Variants in NDUFAF2 observed in about 807,000 individuals in gnomAD.
NDUFAF2 encodes the protein NADH dehydrogenase [ubiquinone] 1 alpha subcomplex assembly factor 2.
NDUFAF2 carries 13 observed loss-of-function variants against 22.8 expected under a neutral mutation model. The observed-to-expected ratio is 0.57, with a 90% CI of 0.37 to 0.91. The LOEUF is 0.91. Among genes scored for constraint, NDUFAF2 ranks in the 40% least tolerant of loss-of-function variants. The pLI is 0.01. For missense variants in NDUFAF2, 162 were observed against 195.2 expected, an observed-to-expected ratio of 0.83 and a Z score of 1.01; for synonymous variants, 53 against 64.2, an observed-to-expected ratio of 0.83 and a Z score of 0.84.
intron 1 of NDUFAF2, among the ~76,000 whole-genome samples, chr5:61,041,715 A>G (rs922831121): frequency 6.6e-6 from 1 of 152,190 alleles, no homozygotes; most frequent in Non-Finnish European, 1.5e-5. Context: ...ATGGGCAGAC[A>G]TTCAAGTTAT....
chr5:61,149,594 T>A (rs1741197805), intron 3 of NDUFAF2, among the ~76,000 whole-genome samples: 1 of 152,212 alleles, frequency 6.6e-6, no homozygotes, highest in African/African-American at 2.4e-5. Flanking sequence ...ATCTTTTTTT[T>A]AAATGTTAAA....
chr5:61,127,189 C>T (rs545990682), intron 3 of NDUFAF2, among the ~76,000 whole-genome samples: 43 of 152,204 alleles, frequency 2.8e-4, no homozygotes, highest in African/African-American at 9.9e-4. Flanking sequence ...AGATTCACAG[C>T]CGAATTCTAC....
intron 1 of NDUFAF2, among the ~76,000 whole-genome samples, chr5:61,071,740 A>G (rs1281759865): frequency 1.3e-5 from 2 of 152,098 alleles, no homozygotes; most frequent in East Asian, 3.9e-4. Flanking sequence ...ATTCCTCACT[A>G]ATGACTTCTC....
At chr5:61,120,187 C>T (rs981182265) in intron 3 of NDUFAF2, among the ~76,000 whole-genome samples, 1 of 152,084 alleles carries the variant, frequency 6.6e-6, no homozygotes, top group Non-Finnish European at 1.5e-5. Context: ...TGACCTCTAC[C>T]TCTGTGAAAA....
At chr5:61,038,465 C>T (rs1399789011) in intron 1 of NDUFAF2, among the ~76,000 whole-genome samples, 2 of 152,200 alleles carry the variant, frequency 1.3e-5, no homozygotes, top group East Asian at 3.9e-4. Flanking sequence ...TTGGTCACAC[C>T]TGTAAATGTA....
intron 1 of NDUFAF2, among the ~76,000 whole-genome samples, chr5:61,046,254 G>C (rs767845441): frequency 2.0e-5 from 3 of 152,070 alleles, no homozygotes; most frequent in African/African-American, 7.2e-5. Flanking sequence ...GTGTTCATCA[G>C]GAATTGGCCT....
At chr5:61,015,099 G>A (rs1281708850) in intron 1 of NDUFAF2, among the ~76,000 whole-genome samples, 1 of 152,018 alleles carries the variant, frequency 6.6e-6, no homozygotes, top group Non-Finnish European at 1.5e-5. Context: ...CTGACTTTTG[G>A]GACATTGGCT....
chr5:61,052,822 C>G lies in NDUFAF2; in HGVS notation c.128-20303C>G, dbSNP rs147604680. On this transcript the variant is annotated intron_variant, in intron 1 of 3. Transcript: ENST00000296597. ...TTCAGTAAAACCAGTTTTTCTGGGG[C>G]GAATATGATAGTGTTCGTTATTCAA... Among the ~76,000 whole-genome samples the G allele has an allele frequency of 1.7e-3, 260 of 152,134 alleles. 2 individuals carry two copies. The highest frequency in any genetic ancestry group is 6.1e-3 in the African/African-American group (254 of 41,510).
intron 1 of NDUFAF2, among the ~76,000 whole-genome samples, chr5:61,016,428 G>T (rs183123585): frequency 2.0e-5 from 3 of 152,238 alleles, no homozygotes; most frequent in African/African-American, 7.2e-5. Flanking sequence ...CATTGTATGC[G>T]TATTGAAATT....
intron 1 of NDUFAF2, among the ~76,000 whole-genome samples, chr5:60,950,036 T>G (rs1029048328): frequency 1.3e-5 from 2 of 152,184 alleles, no homozygotes; most frequent in Non-Finnish European, 2.9e-5. Context: ...TAGAGACAGT[T>G]TTGTTTTTAT....
chr5:61,029,170 G>T (rs1751693224), intron 1 of NDUFAF2, among the ~76,000 whole-genome samples: 1 of 152,110 alleles, frequency 6.6e-6, no homozygotes, highest in Admixed American at 6.6e-5. Flanking sequence ...AAAACCAAAT[G>T]TATCTGGTGG....
intron 3 of NDUFAF2, among the ~76,000 whole-genome samples, chr5:61,124,808 GT>G (rs986941667): frequency 6.6e-6 from 1 of 151,888 alleles, no homozygotes; most frequent in Non-Finnish European, 1.5e-5. Context: ...ACATTAGTTC[GT>G]TTTCACATTG....
chr5:61,114,009 T>C (rs1382916581), intron 3 of NDUFAF2, among the ~76,000 whole-genome samples: 6 of 152,182 alleles, frequency 3.9e-5, no homozygotes, highest in Admixed American at 6.5e-5. Context: ...GGTAATCTTA[T>C]ATTTGGGTTA....
intron 1 of NDUFAF2, among the ~76,000 whole-genome samples, chr5:61,058,056 G>A (rs991226405): frequency 1.3e-5 from 2 of 152,070 alleles, no homozygotes; most frequent in Non-Finnish European, 2.9e-5. Flanking sequence ...AGTAACAGTA[G>A]ATAACAGTAC....
chr5:61,095,623 T>C (rs978900762), intron 2 of NDUFAF2, among the ~76,000 whole-genome samples: 4 of 152,232 alleles, frequency 2.6e-5, no homozygotes, highest in Non-Finnish European at 5.9e-5. Context: ...CCTCTGTGCG[T>C]GCCTGAGTGG....
At chr5:61,013,507 A>G (rs965208324) in intron 1 of NDUFAF2, among the ~76,000 whole-genome samples, 6 of 152,062 alleles carry the variant, frequency 3.9e-5, no homozygotes, top group Non-Finnish European at 7.4e-5. Context: ...ATTTCTAACT[A>G]GTTATTCTTT....
intron 1 of NDUFAF2, among the ~76,000 whole-genome samples, chr5:60,954,998 A>G (rs2112564473): frequency 6.6e-6 from 1 of 152,294 alleles, no homozygotes; most frequent in Non-Finnish European, 1.5e-5. Context: ...TTTATGAGAT[A>G]TGGTTTGCAA....
intron 1 of NDUFAF2, among the ~76,000 whole-genome samples, chr5:60,954,428 C>T (rs1750587938): frequency 6.6e-6 from 1 of 152,140 alleles, no homozygotes; most frequent in Admixed American, 6.5e-5. Context: ...TGTCCTAAAT[C>T]ACATTCCAGT....
intron 3 of NDUFAF2, among the ~76,000 whole-genome samples, chr5:61,110,331 T>C (rs1042094727): frequency 2.0e-5 from 3 of 151,928 alleles, no homozygotes; most frequent in Non-Finnish European, 4.4e-5. Context: ...AAAGATTTGG[T>C]ATATTGACCT....
Sources: allele counts gnomAD v4.1 joint callset (sites outside exome capture counted in the v4.1 genomes callset), GRCh38; gene constraint gnomAD v4.1.1; transcripts MANE v1.5; gene names NCBI Gene and HGNC (gene_info 2026-07-23, HGNC 2026-07-21).